SLC16A5: variants seen among roughly 807,000 people sequenced by gnomAD.
The protein encoded by SLC16A5 is monocarboxylate transporter 6.
SLC16A5 carries 29 observed loss-of-function variants against 33.2 expected under a neutral mutation model. The observed-to-expected ratio is 0.87, with a 90% CI of 0.65 to 1.19. SLC16A5 has a LOEUF of 1.19. SLC16A5 is among the 50% of genes most tolerant of loss of function. The probability of loss-of-function intolerance (pLI) is 0.00; values close to 1 mark genes in which losing one functional copy is unlikely to be tolerated. For synonymous variants in SLC16A5, 248 were observed against 284.1 expected (o/e 0.87, Z 1.28); for missense variants, 606 against 678.2 (o/e 0.89, Z 1.18).
At chr17:75,092,191 G>C (rs2073647849) in intron 2 of SLC16A5, among the ~76,000 whole-genome samples, 1 of 152,048 alleles carries the variant, frequency 6.6e-6, no homozygotes, top group Admixed American at 6.5e-5. Flanking sequence ...GTGTCTGCTA[G>C]TGTGTCTTGT....
chr17:75,096,405 G>A (rs1311735977), intron 3 of SLC16A5, among the ~76,000 whole-genome samples: 4 of 151,086 alleles, frequency 2.6e-5, no homozygotes, highest in African/African-American at 9.8e-5. Context: ...CTGGCGTGAG[G>A]AAGCTCTGTG....
intron 3 of SLC16A5, 147 bp downstream of exon 3, chr17:75,093,982 G>A: frequency 3.2e-6 from 4 of 1,248,012 alleles, no homozygotes; most frequent in East Asian, 2.5e-5. Context: ...TTCACCAGGG[G>A]CCCCTGGCTG....
chr17:75,091,326 A>C (rs566354421), intron 2 of SLC16A5, among the ~76,000 whole-genome samples: 2 of 152,154 alleles, frequency 1.3e-5, no homozygotes, highest in African/African-American at 4.8e-5. Flanking sequence ...ATCTTGGGAG[A>C]GGCCAGGGCT....
intron 2 of SLC16A5, chr17:75,093,345 ATCCCTCCTG>A (rs1480075653): frequency 2.0e-5 from 30 of 1,472,532 alleles, no homozygotes; most frequent in South Asian, 4.9e-5. Flanking sequence ...TGTCCCTCCT[ATCCCTCCTG>A]TCCCTCCTGT....
At chr17:75,088,295 C>T (rs962359907) in intron 1 of SLC16A5, among the ~76,000 whole-genome samples, 12 of 152,150 alleles carry the variant, frequency 7.9e-5, no homozygotes, top group Admixed American at 5.2e-4. Context: ...AGCCCGGGAT[C>T]CCAGCAGCCC....
intron 2 of SLC16A5, among the ~76,000 whole-genome samples, chr17:75,092,481 C>A (rs1050550546): frequency 6.6e-6 from 1 of 151,898 alleles, no homozygotes; most frequent in Non-Finnish European, 1.5e-5. Flanking sequence ...CTCAGCCTCC[C>A]GAGTAGCTGG....
chr17:75,104,127 T>A lies in SLC16A5; in HGVS notation c.1311T>A (p.Asp437Glu). The A allele has an allele frequency of 1.9e-6, 3 of 1,614,184 alleles. No homozygotes were observed. The highest frequency in any genetic ancestry group is 2.5e-6 in the Non-Finnish European group (3 of 1,180,038). The change falls in exon 6 of 7, where the codon GAT becomes GAA. Residue 437 changes from aspartate (D) to glutamate (E), a missense_variant. Coordinates refer to ENST00000329783, the MANE Select transcript of SLC16A5 (RefSeq NM_004695.4). ...QAVAADALERDLFLEAKDGPG... is the reference protein window; with the variant it reads ...QAVAADALERELFLEAKDGPG... ...TCGCGGCGGATGCCCTGGAGCGGGA[T>A]CTTTTCTTGGAAGCCAAAGACGGTC... is the stretch of plus-strand genomic sequence containing the variant.
chr17:75,093,479 G>A (rs771833345), intron 2 of SLC16A5, 110 bp from the exon 3 acceptor site: 14 of 1,536,236 alleles, frequency 9.1e-6, no homozygotes, highest in Admixed American at 2.0e-5. Flanking sequence ...GTGACACCTG[G>A]TACTTGGGTA....
chr17:75,090,575 C>T (rs985798010), intron 2 of SLC16A5, among the ~76,000 whole-genome samples: 1 of 151,768 alleles, frequency 6.6e-6, no homozygotes, highest in Non-Finnish European at 1.5e-5. Flanking sequence ...ATTCTCCTGC[C>T]TCAACCTCCC....
chr17:75,088,038 CGAGCGGGT>C lies in SLC16A5; in HGVS notation c.-203+2_-203+9del, dbSNP rs975600749. On this transcript the variant is annotated splice_donor_variant and 5_prime_UTR_variant, in exon 1 of 7. Transcript: ENST00000329783. LOFTEE classifies it low-confidence loss of function (5UTR_SPLICE). ...GAGCCACCTCTCCGCCAGGCCCGTG[CGAGCGGGT>C]GAGCGGGCCCCCCGGGCCCCACTGC... 1 of 152,410 alleles carries C rather than the reference CGAGCGGGT, an allele frequency of 6.6e-6. No individual in the cohort carries two copies. The highest frequency in any genetic ancestry group is 2.4e-5 in the African/African-American group (1 of 41,464). 9.4% of individuals were successfully genotyped at this position (152,410 alleles called of 1,614,324 possible). A position where few individuals can be genotyped will look rare whatever the true frequency, so the allele number is the denominator to read the frequency against.
At chr17:75,090,637 T>G (rs2073626019) in intron 2 of SLC16A5, among the ~76,000 whole-genome samples, 1 of 151,828 alleles carries the variant, frequency 6.6e-6, no homozygotes, top group African/African-American at 2.4e-5. Flanking sequence ...ATTATTGTAT[T>G]TTTAGTAGAG....
In SLC16A5 at chr17:75,093,731, C is replaced by T. The variant is rs201064247; in HGVS notation, c.95C>T (p.Thr32Met). 2.4e-5 allele frequency: 38 copies of T among 1,614,178 alleles called. No homozygotes were observed. In the East Asian group the frequency reaches 5.3e-4, roughly 23 times the overall value. Residue 32 changes from threonine (T) to methionine (M), a missense_variant, in exon 3 of 7, where the codon ACG becomes ATG. By Grantham distance (81) the Thr-to-Met change is moderately conservative (BLOSUM62 -1). Transcript: ENST00000329783. The part of the protein sequence containing the change: ...VTQGLTLGFP[T>M]CIGIFFTELQ... ...CAGGGCCTCACCCTGGGCTTCCCCA[C>T]GTGTATCGGCATCTTCTTCACTGAA...
chr17:75,100,359 G>T lies in SLC16A5; in HGVS notation c.696G>T (p.Leu232=). ...AGCGCCACCTGGCCTTCGACATCCT[G>T]CGGCACAACACAGGCTACTGCGTGT... ...TIQRHLAFDI[L]RHNTGYCVYI... is the part of the protein sequence containing the mutation. Residue 232 remains leucine, a synonymous_variant, in exon 5 of 7, where the codon CTG becomes CTT. Coordinates refer to ENST00000329783, the MANE Select transcript of SLC16A5 (RefSeq NM_004695.4). The T allele has an allele frequency of 1.2e-6, 2 of 1,614,214 alleles. No individual in the cohort carries two copies. Among genetic ancestry groups the T allele is most frequent in the African/African-American group, 1.3e-5 (1 of 75,042 alleles).
rs772355063 is a variant in SLC16A5 at position 75,105,923 on chromosome 17, C to T, written c.1408C>T (p.His470Tyr). The T allele has an allele frequency of 1.9e-6, 3 of 1,610,854 alleles. No individual in the cohort carries two copies. Among genetic ancestry groups the T allele is most frequent in the Middle Eastern group, 1.7e-4 (1 of 6,052 alleles). ...GCCACGTCCAGCTGGCGTCAATAAGCATCTTTGGGGATGTCCTGCCTCCTC... is the reference window on the plus strand; with the variant it reads ...GCCACGTCCAGCTGGCGTCAATAAGTATCTTTGGGGATGTCCTGCCTCCTC... ...RQPRPAGVNKHLWGCPASSRT... is the reference protein window; with the variant it reads ...RQPRPAGVNKYLWGCPASSRT... The change falls in exon 7 of 7, where the codon CAT becomes TAT. Residue 470 changes from histidine (H) to tyrosine (Y), a missense_variant. His to Tyr is a moderately conservative substitution (Grantham distance 83). Coordinates refer to ENST00000329783, the MANE Select transcript of SLC16A5 (RefSeq NM_004695.4).
At chr17:75,104,531 T>TA in intron 6 of SLC16A5, 1 of 941,704 alleles carries the variant, frequency 1.1e-6, no homozygotes, top group Non-Finnish European at 1.3e-6. Context: ...GGGATTCTCC[T>TA]GCCTCTGCCC....
chr17:75,096,400 G>A (rs1053293410), intron 3 of SLC16A5, among the ~76,000 whole-genome samples: 3 of 150,264 alleles, frequency 2.0e-5, no homozygotes, highest in Non-Finnish European at 2.9e-5. Flanking sequence ...AGTCTCTGGC[G>A]TGAGGAAGCT....
chr17:75,097,496 A>T (rs988870015), intron 3 of SLC16A5, among the ~76,000 whole-genome samples: 2 of 126,402 alleles, frequency 1.6e-5, no homozygotes, highest in Non-Finnish European at 3.2e-5. Context: ...AAGGAGGCGC[A>T]GAGGGGCCCA....
chr17:75,105,241 G>A (rs2073848872), intron 6 of SLC16A5: 4 of 985,444 alleles, frequency 4.1e-6, no homozygotes, highest in African/African-American at 3.5e-5. Context: ...CCCCCCTGCA[G>A]TCTCAGCAGG....
In SLC16A5 at chr17:75,105,878, A is replaced by G. The variant is rs1431683144; in HGVS notation, c.1365-2A>G. Reference sequence around the variant, plus strand: ...ATCAGGAGATTTTATTTTCATGAACAGGTGCCAGTCTTCCCGCCAGCCACG... The same window carrying G: ...ATCAGGAGATTTTATTTTCATGAACGGGTGCCAGTCTTCCCGCCAGCCACG... On this transcript the variant is annotated splice_acceptor_variant, in intron 6 of 6. Coordinates refer to ENST00000329783, the MANE Select transcript of SLC16A5 (RefSeq NM_004695.4). LOFTEE classifies it high-confidence loss of function. 2 of 1,592,136 alleles carry G rather than the reference A, an allele frequency of 1.3e-6. No homozygotes were observed. The highest frequency in any genetic ancestry group is 1.7e-6 in the Non-Finnish European group (2 of 1,166,148).
Sources: allele counts gnomAD v4.1 joint callset (sites outside exome capture counted in the v4.1 genomes callset), GRCh38; gene constraint gnomAD v4.1.1; transcripts MANE v1.5; gene names NCBI Gene and HGNC (gene_info 2026-07-23, HGNC 2026-07-21).